DMXL1: variants seen among roughly 807,000 people sequenced by gnomAD.
DMXL1 encodes the protein dmX-like protein 1.
Under a neutral mutation model 319.2 loss-of-function variants are expected in DMXL1, and 99 were observed. The ratio of observed to expected loss-of-function variants is 0.31; its 90% CI spans 0.26 to 0.37. DMXL1 has a LOEUF of 0.37. Among genes scored for constraint, DMXL1 ranks in the 10% least tolerant of loss-of-function variants. The pLI is 1.00. For missense variants in DMXL1, 3,745 were observed against 3,595.6 expected, an observed-to-expected ratio of 1.04 and a Z score of -1.06; for synonymous variants, 1,385 against 1,235.2, an observed-to-expected ratio of 1.12 and a Z score of -2.54.
Position 119,116,260 on chromosome 5 carries a change from T to C in DMXL1, c.667T>C (p.Phe223Leu), listed in dbSNP as rs756448157. 5 of 1,614,030 alleles carry C rather than the reference T, an allele frequency of 3.1e-6. No individual in the cohort carries two copies. The highest frequency in any genetic ancestry group is 4.2e-6 in the Non-Finnish European group (5 of 1,180,022). The change falls in exon 7 of 44, where the codon TTT becomes CTT. Residue 223 changes from phenylalanine to leucine, a missense_variant. Physicochemically the swap from Phe to Leu is conservative, Grantham distance 22. This residue lies in a region of DMXL1 where 2,096 missense variants were observed against 1,985.4 expected (regional missense o/e 1.06). Transcript: ENST00000539542. ...AAAACAATCCCAAGGAGAAATTGAC[T>C]TTTCTTTTGTGTATCTGGCCCATCC... ...SEKQSQGEID[F>L]SFVYLAHPRA...
chr5:119,112,846 A>G (rs1044849883), intron 5 of DMXL1, among the ~76,000 whole-genome samples: 6 of 152,228 alleles, frequency 3.9e-5, no homozygotes, highest in Non-Finnish European at 8.8e-5. Context: ...AATCCCAGCT[A>G]CTTGGGAGGC....
Position 119,147,292 on chromosome 5 carries a change from A to G in DMXL1, c.2733A>G (p.Pro911=). The G allele has an allele frequency of 1.2e-6, 2 of 1,613,550 alleles. No individual in the cohort carries two copies. The highest frequency in any genetic ancestry group is 1.1e-5 in the South Asian group (1 of 91,048). Residue 911 remains proline, a synonymous_variant, in exon 17 of 44, where the codon CCA becomes CCG. Transcript: ENST00000539542. The stretch of plus-strand genomic sequence containing the variant: ...AATTATCCGAAGCGGTTTGGCAGCC[A>G]GAAGAACATTATTCTTCTTCTCCAG... The part of the protein sequence containing the change: ...DTKLSEAVWQ[P]EEHYSSSPEK...
intron 4 of DMXL1, among the ~76,000 whole-genome samples, chr5:119,107,663 C>A (rs1758655589): frequency 6.6e-6 from 1 of 152,082 alleles, no homozygotes; most frequent in East Asian, 1.9e-4. Flanking sequence ...AATTCTTAAT[C>A]TTTTATGGGA....
intron 34 of DMXL1, among the ~76,000 whole-genome samples, chr5:119,210,757 G>GTTTTTTTTTTTTTTTTTTTTT: frequency 1.1e-5 from 1 of 89,778 alleles, no homozygotes. Context: ...TTTTTCTTTC[G>GTTTTTTTTTTTTTTTTTTTTT]TTTTTTTTTT....
chr5:119,157,498 A>G (rs796701658), intron 19 of DMXL1, among the ~76,000 whole-genome samples: 50 of 152,328 alleles, frequency 3.3e-4, no homozygotes, highest in African/African-American at 1.0e-3. Context: ...CTATTTTTGT[A>G]TATGGTGTAA....
At chr5:119,245,184 C>A (rs543825097) in intron 43 of DMXL1, among the ~76,000 whole-genome samples, 7 of 152,194 alleles carry the variant, frequency 4.6e-5, no homozygotes, top group Non-Finnish European at 1.0e-4. Context: ...TTTAATAACA[C>A]ACCTAGTAAT....
At position 119,197,830 on chromosome 5, in the gene DMXL1, G is replaced by A. The variant is rs1380673147; in HGVS notation, c.7619G>A (p.Arg2540Gln). 3.1e-6 allele frequency: 5 copies of A among 1,613,960 alleles called. No homozygotes were observed. Among genetic ancestry groups the A allele is most frequent in the Admixed American group, 1.7e-5 (1 of 59,994 alleles). Residue 2540 changes from arginine to glutamine, a missense_variant, in exon 32 of 44, where the codon CGA (arginine) becomes CAA (glutamine). Arg to Gln is a conservative substitution (Grantham distance 43). Coordinates refer to ENST00000539542, the MANE Select transcript of DMXL1 (RefSeq NM_001290321.3). ...TGTTGGGAACAAGTTCTTCTCCGAC[G>A]ACTTGAAATCCATGGTGGGCCACCT... ...LQCWEQVLLR[R>Q]LEIHGGPPQN...
chr5:119,224,728 A>G lies in DMXL1; in HGVS notation c.8297A>G (p.Asn2766Ser). Residue 2766 changes from asparagine to serine, a missense_variant, in exon 38 of 44, where the codon AAT becomes AGT. Asn to Ser is a conservative substitution (Grantham distance 46). Around this residue, in one of 4 missense-constraint regions of DMXL1, gnomAD observed 1,382 missense variants for 1,269.5 expected, o/e 1.09. Coordinates refer to ENST00000539542, the MANE Select transcript of DMXL1 (RefSeq NM_001290321.3). ...GASVMIKKAI[N>S]NVRRMTSHPT... ...TACCAGATGATTAAGAAAGCCATTA[A>G]TAATGTTAGAAGAATGACTTCTCAT... The G allele has an allele frequency of 7.6e-7, 1 of 1,320,920 alleles. No individual in the cohort carries two copies. Among genetic ancestry groups the G allele is most frequent in the South Asian group, 1.7e-5 (1 of 57,376 alleles). The allele number at this position is 1,320,920 out of a possible 1,614,324, so 81.8% of individuals were successfully genotyped here.
At chr5:119,098,471 A>G (rs1419797052) in intron 2 of DMXL1, among the ~76,000 whole-genome samples, 1 of 151,912 alleles carries the variant, frequency 6.6e-6, no homozygotes, top group Non-Finnish European at 1.5e-5. Context: ...TTGTCTGTGA[A>G]CAGGTAGTTA....
At chr5:119,164,713 T>C (rs1258939379) in intron 20 of DMXL1, 37 bp downstream of exon 20, 2 of 1,524,418 alleles carry the variant, frequency 1.3e-6, no homozygotes, top group Non-Finnish European at 1.8e-6. Flanking sequence ...TGAATTAATA[T>C]TTTTTGGACG....
rs772945790 is a variant in DMXL1 at position 119,149,456 on chromosome 5, A to T, written c.3629A>T (p.Asp1210Val). 1 of 1,613,956 alleles carries T rather than the reference A, an allele frequency of 6.2e-7. No individual in the cohort carries two copies. Among genetic ancestry groups the T allele is most frequent in the East Asian group, 2.2e-5 (1 of 44,860 alleles). ...AGTGTGGACCTAGTTTCTTCTGTAG[A>T]TGGCTCCCCACCTTTTCCTGTTTCT... ...LRSVDLVSSV[D>V]GSPPFPVSLS... The change falls in exon 18 of 44, where the codon GAT becomes GTT. Residue 1210 changes from aspartate to valine, a missense_variant. Asp to Val is a radical substitution (Grantham distance 152, BLOSUM62 -3). Transcript: ENST00000539542.
In DMXL1 at chr5:119,112,898, A is replaced by G. The variant is rs189043245; in HGVS notation, c.498-1577A>G. ...CTTGAACCCGGTGGTGGAGGTTACAATGAGCCGAGATCACACCACTGCACT... is the reference window on the plus strand; with the variant it reads ...CTTGAACCCGGTGGTGGAGGTTACAGTGAGCCGAGATCACACCACTGCACT... On this transcript the variant is annotated intron_variant, in intron 5 of 43. Coordinates refer to ENST00000539542, the MANE Select transcript of DMXL1 (RefSeq NM_001290321.3). 4.1e-3 allele frequency among the ~76,000 whole-genome samples: 617 copies of G among 152,052 alleles called. 10 individuals are homozygous for G. The highest frequency in any genetic ancestry group is 0.026 in the South Asian group (124 of 4,788).
chr5:119,136,290 T>C (rs1304396437), intron 13 of DMXL1, among the ~76,000 whole-genome samples: 1 of 152,264 alleles, frequency 6.6e-6, no homozygotes, highest in Non-Finnish European at 1.5e-5. Flanking sequence ...TGGCTTATTC[T>C]GAATGCATTC....
intron 35 of DMXL1, among the ~76,000 whole-genome samples, chr5:119,220,083 G>C (rs1032908862): frequency 2.7e-5 from 4 of 148,550 alleles, no homozygotes; most frequent in African/African-American, 9.9e-5. Flanking sequence ...TAATAATTAT[G>C]TTTTTAGTTT....
chr5:119,219,020 A>G (rs559955992), intron 35 of DMXL1, among the ~76,000 whole-genome samples: 1 of 152,298 alleles, frequency 6.6e-6, no homozygotes, highest in Non-Finnish European at 1.5e-5. Flanking sequence ...TTGATCCATT[A>G]AACATTTTAG....
rs1397065897 is a variant in DMXL1 at position 119,178,726 on chromosome 5, A to G, written c.7135+482A>G. The G allele has an allele frequency of 2.7e-5, 24 of 904,952 alleles. No individual in the cohort carries two copies. The Admixed American group carries it at 3.1e-4, about 12-fold the overall frequency. 56.1% of individuals were successfully genotyped at this position (904,952 alleles called of 1,614,324 possible). A position where few individuals can be genotyped will look rare whatever the true frequency, so the allele number is the denominator to read the frequency against. ...CTTTAGAAATAGGCTTTTATCATTC[A>G]GCTTGCTTTGTGTTGTTTTGAGGGG... On this transcript the variant is annotated intron_variant, in intron 28 of 43. Coordinates refer to ENST00000539542, the MANE Select transcript of DMXL1 (RefSeq NM_001290321.3).
At chr5:119,166,570 G>C (rs1375981128) in intron 21 of DMXL1, 46 bp from the exon 22 acceptor site, 1 of 1,545,608 alleles carries the variant, frequency 6.5e-7, no homozygotes, top group Non-Finnish European at 8.8e-7. Flanking sequence ...CTGATGTAAA[G>C]AAAATTGTAT....
chr5:119,128,689 A>G (rs936545952), intron 9 of DMXL1, among the ~76,000 whole-genome samples: 3 of 152,174 alleles, frequency 2.0e-5, no homozygotes, highest in African/African-American at 4.8e-5. Context: ...GTGGGAGGCT[A>G]TGCATATGTA....
At chr5:119,164,760 A>G in intron 20 of DMXL1, 84 bp downstream of exon 20, 1 of 1,239,692 alleles carries the variant, frequency 8.1e-7, no homozygotes, top group Non-Finnish European at 1.1e-6. Flanking sequence ...CTCTGCCATT[A>G]CTCCCTCTTG....
Sources: gnomAD v4.1 joint callset for allele counts (sites outside exome capture counted in the v4.1 genomes callset) on GRCh38, gnomAD v4.1.1 for gene constraint, gnomAD v4.1.1 regional missense constraint, MANE v1.5 for transcripts, NCBI Gene and HGNC (gene_info 2026-07-23, HGNC 2026-07-21) for gene names.